Variants in POP4 observed in about 807,000 individuals in gnomAD.
POP4 encodes ribonuclease P protein subunit p29.
POP4 carries 31 observed loss-of-function variants against 29.9 expected under a neutral mutation model. That is an observed-to-expected ratio of 1.04 (90% CI 0.78 to 1.40). The LOEUF is 1.40. Among genes scored for constraint, POP4 ranks in the 40% most tolerant of loss-of-function variants. The pLI, the probability that POP4 is intolerant of heterozygous loss-of-function variation, is 0.00. For synonymous variants in POP4, 110 were observed against 108.2 expected, an observed-to-expected ratio of 1.02 and a Z score of -0.10; for missense variants, 286 against 282.7, an observed-to-expected ratio of 1.01 and a Z score of -0.08.
chr19:29,612,181 A>T lies in POP4; in HGVS notation c.424+3A>T. ...TCTTCACGGGGCTATTATTTCAGGT[A>T]ATTTACCTAAGAGCGTGTAGCACAT... On this transcript the variant is annotated splice_donor_region_variant and intron_variant, in intron 5 of 6. Coordinates refer to ENST00000585603, the MANE Select transcript of POP4 (RefSeq NM_006627.3). 2 of 1,606,174 alleles carry T rather than the reference A, an allele frequency of 1.2e-6. No homozygotes were observed. The highest frequency in any genetic ancestry group is 1.7e-6 in the Non-Finnish European group (2 of 1,177,450).
rs1971076636 is a variant in POP4 at position 29,612,123 on chromosome 19, A to C, written c.369A>C (p.Pro123=). ...LCSGLKPDTQ[P]QMIQAKLLKA... Reference sequence around the variant, plus strand: ...GCTTCTGTTTACCCTGCAGGCAGCCACAGATGATTCAGGCCAAGCTCTTAA... The same window carrying C: ...GCTTCTGTTTACCCTGCAGGCAGCCCCAGATGATTCAGGCCAAGCTCTTAA... The change falls in exon 5 of 7, where the codon CCA becomes CCC. Residue 123 remains proline (P), a synonymous_variant. Transcript: ENST00000585603. 1 of 1,608,422 alleles carries C rather than the reference A, an allele frequency of 6.2e-7. No individual in the cohort carries two copies. The highest frequency in any genetic ancestry group is 1.1e-5 in the South Asian group (1 of 89,938).
chr19:29,611,885 A>G lies in POP4; in HGVS notation c.308A>G (p.His103Arg), dbSNP rs1377822526. The change falls in exon 4 of 7, where the codon CAT (histidine) becomes CGT (arginine). Residue 103 changes from histidine to arginine, a missense_variant. Transcript: ENST00000585603. ...AGATACAGCCTTTTCCTCCCTCTCC[A>G]TGAACTCTGGAAACAGTACATCAGG... ...QQRYSLFLPLHELWKQYIRDL... is the reference protein window; with the variant it reads ...QQRYSLFLPLRELWKQYIRDL... The G allele has an allele frequency of 1.2e-6, 2 of 1,614,078 alleles. No individual in the cohort carries two copies. The highest frequency in any genetic ancestry group is 1.1e-5 in the South Asian group (1 of 91,076).
chr19:29,607,447 CAAAA>C (rs1971012031), intron 1 of POP4, among the ~76,000 whole-genome samples: 1 of 106,422 alleles, frequency 9.4e-6, no homozygotes, highest in African/African-American at 4.2e-5. Flanking sequence ...AACCCAGTAT[CAAAA>C]CAAACAAACA....
At position 29,612,189 on chromosome 19, in the gene POP4, T is replaced by C; in HGVS notation, c.424+11T>C. 6.2e-7 allele frequency: 1 copy of C among 1,600,674 alleles called. No homozygotes were observed. The highest frequency in any genetic ancestry group is 8.5e-7 in the Non-Finnish European group (1 of 1,175,160). ...GGGCTATTATTTCAGGTAATTTACC[T>C]AAGAGCGTGTAGCACATGGCCATCC... On this transcript the variant is annotated intron_variant, in intron 5 of 6. Transcript: ENST00000585603.
At chr19:29,612,054 C>T (rs1971075719) in intron 4 of POP4, 63 bp from the exon 5 acceptor site, 1 of 1,586,680 alleles carries the variant, frequency 6.3e-7, no homozygotes, top group Non-Finnish European at 8.6e-7. Context: ...GGTTAAAGAC[C>T]TAGTTGCTTC....
At chr19:29,607,020 T>A (rs1368025179) in intron 1 of POP4, among the ~76,000 whole-genome samples, 1 of 152,164 alleles carries the variant, frequency 6.6e-6, no homozygotes, top group East Asian at 1.9e-4. Flanking sequence ...CTGTAACAGA[T>A]GAAGCAAAGT....
At chr19:29,614,828 G>A (rs1971112536) in intron 6 of POP4, among the ~76,000 whole-genome samples, 1 of 152,036 alleles carries the variant, frequency 6.6e-6, no homozygotes, top group African/African-American at 2.4e-5. Flanking sequence ...TTTGAGCTTG[G>A]TTTTTCTTGT....
chr19:29,607,763 A>C (rs1971017168), intron 1 of POP4, among the ~76,000 whole-genome samples: 1 of 152,258 alleles, frequency 6.6e-6, no homozygotes, highest in Non-Finnish European at 1.5e-5. Context: ...TTATCAGTTC[A>C]GGACACCATC....
At chr19:29,608,323 A>G (rs1167713585) in intron 1 of POP4, among the ~76,000 whole-genome samples, 8 of 139,802 alleles carry the variant, frequency 5.7e-5, no homozygotes, top group African/African-American at 2.2e-4. Context: ...CTGGAGTGCA[A>G]TGGCACGATC....
intron 1 of POP4, among the ~76,000 whole-genome samples, chr19:29,607,719 T>C (rs979114188): frequency 3.3e-5 from 5 of 152,306 alleles, no homozygotes; most frequent in Admixed American, 6.5e-5. Flanking sequence ...TATTGACCAA[T>C]GTATATTTTG....
At chr19:29,613,409 T>C (rs1428495361) in intron 5 of POP4, among the ~76,000 whole-genome samples, 3 of 152,164 alleles carry the variant, frequency 2.0e-5, no homozygotes. Context: ...AGGGAGGGGC[T>C]GCTGCTTGTG....
chr19:29,611,834 T>C (rs1357110119), intron 3 of POP4, 28 bp from the exon 4 acceptor site: 2 of 1,595,046 alleles, frequency 1.3e-6, no homozygotes, highest in Non-Finnish European at 8.6e-7. Context: ...GTTGTCTAAC[T>C]TTTTCCCTGT....
At chr19:29,613,392 C>G (rs954668661) in intron 5 of POP4, among the ~76,000 whole-genome samples, 1 of 152,138 alleles carries the variant, frequency 6.6e-6, no homozygotes, top group Non-Finnish European at 1.5e-5. Context: ...AGGCTCGGGT[C>G]AGGACGAGGG....
At chr19:29,608,358 C>A (rs764759698) in intron 1 of POP4, among the ~76,000 whole-genome samples, 4 of 150,488 alleles carry the variant, frequency 2.7e-5, no homozygotes, top group Non-Finnish European at 5.9e-5. Context: ...CCTCTGCCTC[C>A]CAGGTTCCAG....
At chr19:29,608,273 T>C (rs1056947438) in intron 1 of POP4, among the ~76,000 whole-genome samples, 11 of 139,992 alleles carry the variant, frequency 7.9e-5, no homozygotes, top group Admixed American at 7.8e-4. Flanking sequence ...TTTTTTTTTT[T>C]TTTTTTTTTT....
intron 1 of POP4, among the ~76,000 whole-genome samples, chr19:29,608,141 G>A (rs982228487): frequency 4.1e-4 from 62 of 152,054 alleles, no homozygotes; most frequent in African/African-American, 1.5e-3. Flanking sequence ...GCCAGAGGGT[G>A]GGATAAGAGG....
intron 2 of POP4, 189 bp from the exon 3 acceptor site, chr19:29,610,220 T>C (rs1971047595): frequency 5.1e-6 from 3 of 593,630 alleles, no homozygotes; most frequent in Non-Finnish European, 9.0e-6. Context: ...GGTGTGTGAG[T>C]GTGACTTACA....
chr19:29,608,325 G>A (rs1971026841), intron 1 of POP4, among the ~76,000 whole-genome samples: 1 of 129,642 alleles, frequency 7.7e-6, no homozygotes, highest in African/African-American at 3.0e-5. Flanking sequence ...GGAGTGCAAT[G>A]GCACGATCTT....
At chr19:29,614,597 G>A (rs531190896) in intron 6 of POP4, among the ~76,000 whole-genome samples, 6 of 150,348 alleles carry the variant, frequency 4.0e-5, no homozygotes, top group East Asian at 3.9e-4. Context: ...CTCCACTCCC[G>A]GATTCAAGGG....
Sources: allele counts gnomAD v4.1 joint callset (sites outside exome capture counted in the v4.1 genomes callset), GRCh38; gene constraint gnomAD v4.1.1; transcripts MANE v1.5; gene names NCBI Gene and HGNC (gene_info 2026-07-23, HGNC 2026-07-21).